CRYBG1: variants seen among roughly 807,000 people sequenced by gnomAD.
CRYBG1 encodes crystallin beta-gamma domain containing 1.
CRYBG1 carries 139 observed loss-of-function variants against 189.2 expected under a neutral mutation model. That is an observed-to-expected ratio of 0.73 (90% CI 0.64 to 0.85). CRYBG1 has a LOEUF of 0.85. Ranked by LOEUF, CRYBG1 falls within the 40% of genes least tolerant of loss-of-function variation. The probability of loss-of-function intolerance (pLI) is 0.00; values close to 1 mark genes in which losing one functional copy is unlikely to be tolerated. For synonymous variants in CRYBG1, 1,023 were observed against 1,017.1 expected, an observed-to-expected ratio of 1.01 and a Z score of -0.11; for missense variants, 2,611 against 2,675.8, an observed-to-expected ratio of 0.98 and a Z score of 0.53.
intron 1 of CRYBG1, among the ~76,000 whole-genome samples, chr6:106,377,621 TTATATATATATA>T (rs373644273): frequency 2.9e-5 from 2 of 69,456 alleles, no homozygotes; most frequent in Non-Finnish European, 4.3e-5. Context: ...TCCTAAGGTT[TTATATATATATA>T]TATATATATA....
chr6:106,550,012 G>A (rs1368139532), intron 13 of CRYBG1, among the ~76,000 whole-genome samples: 3 of 152,192 alleles, frequency 2.0e-5, no homozygotes, highest in Admixed American at 1.3e-4. Context: ...GGACAGGTAG[G>A]TTCAGTCACG....
chr6:106,519,004 C>CACACACAA lies in CRYBG1; in HGVS notation c.1923-123_1923-122insACAAACAC. 3.0e-6 allele frequency: 3 copies of CACACACAA among 1,000,932 alleles called. No homozygotes were observed. The East Asian group carries it at 7.8e-5, about 26-fold the overall frequency. The allele number at this position is 1,000,932 out of a possible 1,614,324, so 62.0% of individuals were successfully genotyped here. On this transcript the variant is annotated intron_variant, in intron 3 of 21. Transcript: ENST00000633556. ...ACACACACACACATACACACACACA[C>CACACACAA]ACACCACACTCCAAATGTTATATAT...
At chr6:106,421,265 G>A (rs1771116741) in intron 1 of CRYBG1, among the ~76,000 whole-genome samples, 1 of 152,186 alleles carries the variant, frequency 6.6e-6, no homozygotes. Flanking sequence ...CATAAGAATG[G>A]AGGGAGAACC....
intron 15 of CRYBG1, 125 bp from the exon 16 acceptor site, chr6:106,553,330 T>C: frequency 1.6e-6 from 1 of 630,570 alleles, no homozygotes; most frequent in Admixed American, 3.0e-5. Context: ...AAAGGATTTC[T>C]AAAATTCGTA....
intron 1 of CRYBG1, among the ~76,000 whole-genome samples, chr6:106,449,771 G>A (rs1282847788): frequency 6.6e-6 from 1 of 152,060 alleles, no homozygotes; most frequent in African/African-American, 2.4e-5. Flanking sequence ...AGGTAGAAAT[G>A]TATTTTTATA....
intron 1 of CRYBG1, among the ~76,000 whole-genome samples, chr6:106,378,041 T>A (rs1770205322): frequency 6.6e-6 from 1 of 152,180 alleles, no homozygotes; most frequent in Non-Finnish European, 1.5e-5. Context: ...ACCAGCCTGT[T>A]GAGTGGCTCC....
chr6:106,385,125 G>A (rs915578188), intron 1 of CRYBG1, among the ~76,000 whole-genome samples: 6 of 152,118 alleles, frequency 3.9e-5, no homozygotes, highest in African/African-American at 1.4e-4. Flanking sequence ...GCTGCCAGTG[G>A]TGACTATTTT....
chr6:106,517,313 CACACATATATATAT>C lies in CRYBG1; in HGVS notation c.1923-1798_1923-1785del, dbSNP rs776872755. On this transcript the variant is annotated intron_variant, in intron 3 of 21. Coordinates refer to ENST00000633556, the MANE Select transcript of CRYBG1 (RefSeq NM_001371242.2). ...ATATACATATATATATACACACACACACACATATATATATACACATATATATATACACACACATA... is the reference window on the plus strand; with the variant it reads ...ATATACATATATATATACACACACACACACATATATATATACACACACATA... Among the ~76,000 whole-genome samples, 1,033 of 126,454 alleles carry C rather than the reference CACACATATATATAT, an allele frequency of 8.2e-3. 22 individuals are homozygous for C. Among genetic ancestry groups the C allele is most frequent in the African/African-American group, 0.032 (867 of 26,842 alleles). 83.0% of individuals were successfully genotyped at this position (126,454 alleles called of 152,430 possible).
chr6:106,530,316 G>A lies in CRYBG1; in HGVS notation c.4718+1G>A, dbSNP rs750465483. ...GTTCCATGAAAGTACATTGGGGCAC[G>A]TAAGTATTTTTTTTTCAAACAAATT... is the stretch of plus-strand genomic sequence containing the variant. On this transcript the variant is annotated splice_donor_variant, in intron 8 of 21. Transcript: ENST00000633556. LOFTEE classifies it high-confidence loss of function. The A allele has an allele frequency of 7.5e-6, 12 of 1,595,686 alleles. No homozygotes were observed. Among genetic ancestry groups the A allele is most frequent in the Non-Finnish European group, 6.0e-6 (7 of 1,172,548 alleles).
chr6:106,513,107 C>A, intron 3 of CRYBG1, 68 bp downstream of exon 3: 1 of 1,505,554 alleles, frequency 6.6e-7, no homozygotes, highest in Non-Finnish European at 8.9e-7. Context: ...CTCTGAGAGG[C>A]TCGGGGTATC....
intron 2 of CRYBG1, among the ~76,000 whole-genome samples, chr6:106,458,512 T>C (rs943694504): frequency 5.3e-5 from 8 of 152,218 alleles, no homozygotes; most frequent in Non-Finnish European, 1.2e-4. Flanking sequence ...CTTGTCAGAC[T>C]AGGAAGCCCT....
chr6:106,422,585 C>A (rs1052429155), intron 1 of CRYBG1, among the ~76,000 whole-genome samples: 5 of 151,644 alleles, frequency 3.3e-5, no homozygotes, highest in Non-Finnish European at 7.4e-5. Context: ...CACCCCCCTC[C>A]CAGCCTCCCA....
At chr6:106,363,921 G>GTCGTCA (rs1554229602) in intron 1 of CRYBG1, among the ~76,000 whole-genome samples, 3 of 151,786 alleles carry the variant, frequency 2.0e-5, no homozygotes, top group Non-Finnish European at 4.4e-5. Flanking sequence ...AAGCATCCTG[G>GTCGTCA]TCATCATCAT....
rs774545600 is a variant in CRYBG1 at position 106,563,964 on chromosome 6, GTA to G, written c.6301+40_6301+41del. 3.2e-6 allele frequency: 5 copies of G among 1,565,588 alleles called. No homozygotes were observed. The South Asian group carries it at 5.6e-5, about 17-fold the overall frequency. On this transcript the variant is annotated intron_variant, in intron 21 of 21. Transcript: ENST00000633556. ...TCCTTTATTTTCTTTATTGTAATGT[GTA>G]TGTCTTTTAGTTAAGGAAAAATCTA... is the stretch of plus-strand genomic sequence containing the variant.
chr6:106,451,975 T>C, intron 2 of CRYBG1, 143 bp downstream of exon 2: 8 of 332,950 alleles, frequency 2.4e-5, no homozygotes, highest in Non-Finnish European at 3.8e-5. Context: ...TCATATGTAA[T>C]ATATGTTATA....
In CRYBG1 at chr6:106,512,984, A is replaced by G. The variant is rs768497209; in HGVS notation, c.1867A>G (p.Lys623Glu). ...TGGAGCTTCTGACGCCGACGGCTTGAAGCCCAGGAACCATTTCGGCGTGGG... is the reference window on the plus strand; with the variant it reads ...TGGAGCTTCTGACGCCGACGGCTTGGAGCCCAGGAACCATTTCGGCGTGGG... ...APGASDADGLKPRNHFGVGRS... is the reference protein window; with the variant it reads ...APGASDADGLEPRNHFGVGRS... Residue 623 changes from lysine (K) to glutamate (E), a missense_variant, in exon 3 of 22, where the codon AAG (lysine) becomes GAG (glutamate). Physicochemically the swap from Lys to Glu is moderately conservative, Grantham distance 56. Around this residue, in one of 3 missense-constraint regions of CRYBG1, gnomAD observed 985 missense variants for 924.4 expected, o/e 1.07. Transcript: ENST00000633556. The G allele has an allele frequency of 6.2e-7, 1 of 1,610,710 alleles. No homozygotes were observed. Among genetic ancestry groups the G allele is most frequent in the East Asian group, 2.2e-5 (1 of 44,872 alleles).
intron 1 of CRYBG1, among the ~76,000 whole-genome samples, chr6:106,392,217 G>C (rs906317558): frequency 6.6e-6 from 1 of 151,980 alleles, no homozygotes; most frequent in African/African-American, 2.4e-5. Flanking sequence ...CTTTTCTTTG[G>C]CTTGTTCAAT....
At chr6:106,448,456 A>G (rs1771711564) in intron 1 of CRYBG1, among the ~76,000 whole-genome samples, 1 of 152,122 alleles carries the variant, frequency 6.6e-6, no homozygotes, top group South Asian at 2.1e-4. Flanking sequence ...GTACCCTCCC[A>G]TCTGGGAGAT....
Position 106,513,016 on chromosome 6 carries a change from G to T in CRYBG1, c.1899G>T (p.Ser633=), listed in dbSNP as rs551016776. 6.2e-7 allele frequency: 1 copy of T among 1,605,190 alleles called. No individual in the cohort carries two copies. Among genetic ancestry groups the T allele is most frequent in the Non-Finnish European group, 8.5e-7 (1 of 1,179,690 alleles). The change falls in exon 3 of 22, where the codon TCG becomes TCT. Residue 633 remains serine, a synonymous_variant. Coordinates refer to ENST00000633556, the MANE Select transcript of CRYBG1 (RefSeq NM_001371242.2). ...KPRNHFGVGR[S]TVTTKVTLPA... ...GGAACCATTTCGGCGTGGGCAGGTCGACAGTGACCACTAAAGTGACCCTGT... is the reference window on the plus strand; with the variant it reads ...GGAACCATTTCGGCGTGGGCAGGTCTACAGTGACCACTAAAGTGACCCTGT...
Sources: allele counts gnomAD v4.1 joint callset (sites outside exome capture counted in the v4.1 genomes callset), GRCh38; gene constraint gnomAD v4.1.1; regional missense constraint gnomAD v4.1.1; transcripts MANE v1.5; gene names NCBI Gene and HGNC (gene_info 2026-07-23, HGNC 2026-07-21).